TIAM2: variants seen among roughly 807,000 people sequenced by gnomAD.
TIAM2 encodes the protein TIAM Rac1 associated GEF 2, also known as rho guanine nucleotide exchange factor TIAM2.
Under a neutral mutation model 152.9 loss-of-function variants are expected in TIAM2, and 80 were observed. The observed-to-expected ratio is 0.52, with a 90% CI of 0.44 to 0.63. TIAM2 has a LOEUF of 0.63. Ranked by LOEUF, TIAM2 falls within the 30% of genes least tolerant of loss-of-function variation. The probability of loss-of-function intolerance (pLI) is 0.00; values close to 1 mark genes in which losing one functional copy is unlikely to be tolerated. For synonymous variants in TIAM2, 804 were observed against 838.0 expected, an observed-to-expected ratio of 0.96 and a Z score of 0.70; for missense variants, 1,965 against 2,120.1, an observed-to-expected ratio of 0.93 and a Z score of 1.44.
At chr6:155,073,406 A>T (rs1273356891) in intron 1 of TIAM2, among the ~76,000 whole-genome samples, 1 of 151,460 alleles carries the variant, frequency 6.6e-6, no homozygotes, top group African/African-American at 2.4e-5. Context: ...CAAGTGATCC[A>T]CCCGCCTCGG....
intron 2 of TIAM2, among the ~76,000 whole-genome samples, chr6:155,118,726 C>T (rs546771409): frequency 9.9e-5 from 15 of 152,196 alleles, no homozygotes; most frequent in Non-Finnish European, 8.8e-5. Context: ...TGAGCCACCG[C>T]GCACGGCCTT....
At chr6:155,237,898 C>T (rs771460489) in intron 15 of TIAM2, among the ~76,000 whole-genome samples, 5 of 152,240 alleles carry the variant, frequency 3.3e-5, no homozygotes, top group Non-Finnish European at 5.9e-5. Context: ...GCCCTGGAGA[C>T]ATTTTCATCA....
At chr6:155,187,091 G>C (rs1781057058) in intron 14 of TIAM2, among the ~76,000 whole-genome samples, 1 of 152,058 alleles carries the variant, frequency 6.6e-6, no homozygotes, top group South Asian at 2.1e-4. Flanking sequence ...ACTTGTTTGG[G>C]CTTATGTTGC....
intron 1 of TIAM2, among the ~76,000 whole-genome samples, chr6:155,036,532 AAG>A (rs1491269430): frequency 6.6e-6 from 1 of 151,506 alleles, no homozygotes; most frequent in African/African-American, 2.4e-5. Flanking sequence ...AAAAAAAAAA[AAG>A]AGTGTGTTGA....
chr6:155,113,672 C>T (rs981068061), intron 2 of TIAM2, among the ~76,000 whole-genome samples: 2 of 151,984 alleles, frequency 1.3e-5, no homozygotes, highest in African/African-American at 2.4e-5. Flanking sequence ...TGTAGTGAGC[C>T]GAGATCATGC....
rs565070470 is a variant in TIAM2 at position 155,029,629 on chromosome 6, C to CTA, written c.-209+34144_-209+34145dup. Among the ~76,000 whole-genome samples, 228 of 81,074 alleles carry CTA rather than the reference C, an allele frequency of 2.8e-3. 1 individual carries two copies. The highest frequency in any genetic ancestry group is 0.011 in the African/African-American group (220 of 20,756). 53.2% of individuals were successfully genotyped at this position (81,074 alleles called of 152,430 possible). ...TATAACTCTGTATATATGTATATAA[C>CTA]TATATATAGTTATATAACTATATAT... On this transcript the variant is annotated intron_variant, in intron 1 of 26. Coordinates refer to ENST00000682666, the MANE Select transcript of TIAM2 (RefSeq NM_012454.4).
intron 1 of TIAM2, among the ~76,000 whole-genome samples, chr6:155,047,210 T>G (rs1447996926): frequency 1.3e-5 from 2 of 152,336 alleles, no homozygotes; most frequent in Non-Finnish European, 2.9e-5. Flanking sequence ...GGTCTCACTC[T>G]GTCGCCCAGG....
intron 1 of TIAM2, among the ~76,000 whole-genome samples, chr6:155,063,165 G>A (rs912109624): frequency 6.6e-6 from 1 of 152,032 alleles, no homozygotes; most frequent in Admixed American, 6.6e-5. Flanking sequence ...TAGTGGCAAG[G>A]CAACATGATT....
At chr6:155,089,842 TTC>T (rs1778259830) in intron 1 of TIAM2, among the ~76,000 whole-genome samples, 1 of 152,196 alleles carries the variant, frequency 6.6e-6, no homozygotes, top group South Asian at 2.1e-4. Flanking sequence ...GAGCGAGATT[TTC>T]TCTCTCATTC....
Position 155,130,399 on chromosome 6 carries a change from G to A in TIAM2, c.1176G>A (p.Arg392=), listed in dbSNP as rs767466318. ...RISDWTGSLS[R]KKRKLQEPRS... ...GTGACTGGACGGGAAGCCTCTCAAGGAAGAAAAGGAAACTCCAGGTGAGCA... is the reference window on the plus strand; with the variant it reads ...GTGACTGGACGGGAAGCCTCTCAAGAAAGAAAAGGAAACTCCAGGTGAGCA... Residue 392 remains arginine (R), a synonymous_variant, in exon 4 of 27, where the codon AGG becomes AGA. Coordinates refer to ENST00000682666, the MANE Select transcript of TIAM2 (RefSeq NM_012454.4). 11 of 1,613,296 alleles carry A rather than the reference G, an allele frequency of 6.8e-6. No individual in the cohort carries two copies. The African/African-American group carries it at 1.3e-4, about 20-fold the overall frequency.
At chr6:155,181,939 G>T (rs375473625) in intron 12 of TIAM2, among the ~76,000 whole-genome samples, 2 of 152,262 alleles carry the variant, frequency 1.3e-5, no homozygotes, top group East Asian at 3.9e-4. Flanking sequence ...CAGACAGTTG[G>T]GTTATTTCCA....
At chr6:155,086,874 T>G (rs1446392701) in intron 1 of TIAM2, among the ~76,000 whole-genome samples, 1 of 152,154 alleles carries the variant, frequency 6.6e-6, no homozygotes, top group Non-Finnish European at 1.5e-5. Context: ...ATGAACACAT[T>G]TATTAAGCAC....
intron 1 of TIAM2, among the ~76,000 whole-genome samples, chr6:155,085,996 T>C (rs1328283736): frequency 6.6e-6 from 1 of 152,232 alleles, no homozygotes; most frequent in Non-Finnish European, 1.5e-5. Flanking sequence ...CACAAGATAT[T>C]GCAGTCCCGG....
intron 15 of TIAM2, among the ~76,000 whole-genome samples, chr6:155,225,730 A>C (rs1782218911): frequency 6.6e-6 from 1 of 152,244 alleles, no homozygotes; most frequent in African/African-American, 2.4e-5. Context: ...TTTCTGTTAG[A>C]AGTCAGTGTA....
Position 155,249,929 on chromosome 6 carries a change from T to C in TIAM2, c.3911T>C (p.Phe1304Ser), listed in dbSNP as rs768569472. ...ATCTATGAGGATTATGGGACCGTGT[T>C]TGACCAGCTAGTAGCTGAGCAGAGC... is the stretch of plus-strand genomic sequence containing the variant. ...QKIYEDYGTV[F>S]DQLVAEQSGT... Residue 1304 changes from phenylalanine (F) to serine (S), a missense_variant, in exon 21 of 27, where the codon TTT becomes TCT. Physicochemically the swap from Phe to Ser is radical, Grantham distance 155. Coordinates refer to ENST00000682666, the MANE Select transcript of TIAM2 (RefSeq NM_012454.4). 3 of 1,614,014 alleles carry C rather than the reference T, an allele frequency of 1.9e-6. No individual in the cohort carries two copies. In the African/African-American group the frequency reaches 4.0e-5, roughly 22 times the overall value.
Position 155,183,407 on chromosome 6 carries a change from T to C in TIAM2, c.2971T>C (p.Phe991Leu). ...LCTSWSDSDL[F>L]SRDQKSLLPP... ...TACATCCTGGTCAGACAGTGACCTG[T>C]TCTCCAGGGACCAGAAGAGTCTGCT... Residue 991 changes from phenylalanine (F) to leucine (L), a missense_variant, in exon 14 of 27, where the codon TTC becomes CTC. Around this residue, in one of 3 missense-constraint regions of TIAM2, gnomAD observed 935 missense variants for 980.0 expected, o/e 0.95. Transcript: ENST00000682666. 6.2e-7 allele frequency: 1 copy of C among 1,614,166 alleles called. No individual in the cohort carries two copies. The highest frequency in any genetic ancestry group is 8.5e-7 in the Non-Finnish European group (1 of 1,180,030).
intron 13 of TIAM2, 27 bp downstream of exon 13, chr6:155,182,345 T>G (rs1053848547): frequency 1.9e-6 from 3 of 1,579,296 alleles, no homozygotes; most frequent in East Asian, 2.2e-5. Context: ...GTGCCCCTGT[T>G]GCCTCTTAAT....
At chr6:155,090,100 G>T (rs1021833791) in intron 1 of TIAM2, among the ~76,000 whole-genome samples, 189 bp from the exon 2 acceptor site, 1 of 152,194 alleles carries the variant, frequency 6.6e-6, no homozygotes, top group East Asian at 1.9e-4. Flanking sequence ...TGCTTCTCCA[G>T]TTAGGATGTG....
rs555117036 is a variant in TIAM2 at position 155,218,512 on chromosome 6, G to A, written c.3168+7205G>A. Among the ~76,000 whole-genome samples, 1 of 152,178 alleles carries A rather than the reference G, an allele frequency of 6.6e-6. No homozygotes were observed. On this transcript the variant is annotated intron_variant, in intron 15 of 26. Coordinates refer to ENST00000682666, the MANE Select transcript of TIAM2 (RefSeq NM_012454.4). This position sits in a 1 kb window ranked among gnomAD's most constrained non-coding sequence, Gnocchi z 4.5. Reference sequence around the variant, plus strand: ...TTACCCAACCTTTGTAAGCCTGTGTGTCCTCCTCTATGAATAAACATAACA... The same window carrying A: ...TTACCCAACCTTTGTAAGCCTGTGTATCCTCCTCTATGAATAAACATAACA...
Sources: gnomAD v4.1 joint callset for allele counts (sites outside exome capture counted in the v4.1 genomes callset) on GRCh38, gnomAD v4.1.1 for gene constraint, gnomAD v4.1.1 regional missense constraint, Gnocchi (gnomAD v3.1) non-coding constraint, MANE v1.5 for transcripts, NCBI Gene and HGNC (gene_info 2026-07-23, HGNC 2026-07-21) for gene names.